The following ARID5B variants were observed in gnomAD, a reference collection of about 807,000 sequenced individuals.
ARID5B encodes the protein AT-rich interactive domain-containing protein 5B.
ARID5B carries 13 observed loss-of-function variants against 97.2 expected under a neutral mutation model. The ratio of observed to expected loss-of-function variants is 0.13; its 90% CI spans 0.09 to 0.21. ARID5B has a LOEUF of 0.21. Among genes scored for constraint, ARID5B ranks in the 10% least tolerant of loss-of-function variants. The pLI, the probability that ARID5B is intolerant of heterozygous loss-of-function variation, is 1.00. For missense variants in ARID5B, 1,210 were observed against 1,465.3 expected (o/e 0.83, Z 2.84); for synonymous variants, 556 against 570.3 (o/e 0.97, Z 0.36).
In ARID5B at chr10:62,091,277, T is replaced by C; in HGVS notation, c.1814T>C (p.Leu605Pro). 1.9e-6 allele frequency: 3 copies of C among 1,614,184 alleles called. No homozygotes were observed. Among genetic ancestry groups the C allele is most frequent in the Non-Finnish European group, 2.5e-6 (3 of 1,180,032 alleles). The change falls in exon 10 of 10, where the codon CTG becomes CCG. Residue 605 changes from leucine to proline, a missense_variant. Leu to Pro is a moderately conservative substitution (Grantham distance 98). Coordinates refer to ENST00000279873, the MANE Select transcript of ARID5B (RefSeq NM_032199.3). ...AGCTTCCCCACCACACAGCCACCGCTGGCAAACCAGAATGAGACGGAGGAT... is the reference window on the plus strand; with the variant it reads ...AGCTTCCCCACCACACAGCCACCGCCGGCAAACCAGAATGAGACGGAGGAT... ...FPSFPTTQPP[L>P]ANQNETEDDK...
intron 4 of ARID5B, among the ~76,000 whole-genome samples, chr10:62,027,841 C>T (rs1179559689): frequency 6.6e-6 from 1 of 152,190 alleles, no homozygotes; most frequent in African/African-American, 2.4e-5. Flanking sequence ...AAGAGGTCTT[C>T]CCTGACATTC....
Position 62,000,831 on chromosome 10 carries a change from TGATA to T in ARID5B, c.733+550_733+553del, listed in dbSNP as rs10689655. Among the ~76,000 whole-genome samples, 20,091 of 148,526 alleles carry T rather than the reference TGATA, an allele frequency of 0.14. 1,472 individuals carry two copies. The highest frequency in any genetic ancestry group is 0.17 in the Non-Finnish European group (11,482 of 67,104). On this transcript the variant is annotated intron_variant, in intron 4 of 9. Coordinates refer to ENST00000279873, the MANE Select transcript of ARID5B (RefSeq NM_032199.3). The surrounding 1 kb of genome is among the most constrained non-coding windows in gnomAD (Gnocchi z 4.4). ...TACAGTAGATAGACACGTAGAGAGA[TGATA>T]GATAGATAGATAGATAGATAGATAG...
intron 7 of ARID5B, among the ~76,000 whole-genome samples, chr10:62,060,944 T>C (rs889514368): frequency 1.3e-5 from 2 of 152,208 alleles, no homozygotes; most frequent in African/African-American, 4.8e-5. Flanking sequence ...AGCAAGTTGA[T>C]GTAGAATGTA....
intron 2 of ARID5B, among the ~76,000 whole-genome samples, chr10:61,923,127 A>C (rs1437871654): frequency 6.6e-6 from 1 of 152,208 alleles, no homozygotes; most frequent in Non-Finnish European, 1.5e-5. Flanking sequence ...AGACATACAC[A>C]TGGGGCATGT....
intron 3 of ARID5B, among the ~76,000 whole-genome samples, chr10:61,951,157 A>C (rs917306558): frequency 6.6e-6 from 1 of 152,242 alleles, no homozygotes; most frequent in African/African-American, 2.4e-5. Context: ...AGGAAAGCTG[A>C]GGTTTGGACT....
chr10:62,031,456 A>G lies in ARID5B; in HGVS notation c.734-19432A>G, dbSNP rs75410820. ...AAAAACTCTTAAGAAGGAGGATTAT[A>G]ACACCTTCTTTGGTAACTCTCTTTG... On this transcript the variant is annotated intron_variant, in intron 4 of 9. Coordinates refer to ENST00000279873, the MANE Select transcript of ARID5B (RefSeq NM_032199.3). Among the ~76,000 whole-genome samples the G allele has an allele frequency of 9.2e-3, 1,404 of 152,336 alleles. 20 individuals carry two copies. Among genetic ancestry groups the G allele is most frequent in the African/African-American group, 0.032 (1,345 of 41,572 alleles).
At position 62,093,678 on chromosome 10, in the gene ARID5B, T is replaced by A. The variant is rs75669328; in HGVS notation, c.*648T>A. The stretch of plus-strand genomic sequence containing the variant: ...TTTTTTTTTTTTTTTTTTTTTTTTT[T>A]ATTAAATGGTATTGCTTTTGTTTGC... On this transcript the variant is annotated 3_prime_UTR_variant, in exon 10 of 10. Transcript: ENST00000279873. The A allele has an allele frequency of 5.7e-4, 99 of 173,224 alleles. No individual in the cohort carries two copies. The highest frequency in any genetic ancestry group is 5.3e-3 in the East Asian group (79 of 14,890). The allele number at this position is 173,224 out of a possible 1,614,324, so 10.7% of individuals were successfully genotyped here. A position where few individuals can be genotyped will look rare whatever the true frequency, so the allele number is the denominator to read the frequency against.
intron 4 of ARID5B, among the ~76,000 whole-genome samples, chr10:62,034,950 G>C (rs1839543237): frequency 6.6e-6 from 1 of 152,178 alleles, no homozygotes; most frequent in South Asian, 2.1e-4. Context: ...ACTTTTTCTT[G>C]TTGTAGGGGC....
chr10:62,076,087 G>A (rs1385810911), intron 8 of ARID5B, among the ~76,000 whole-genome samples: 1 of 152,176 alleles, frequency 6.6e-6, no homozygotes, highest in Non-Finnish European at 1.5e-5. Flanking sequence ...ACAGGATGCT[G>A]CTTCCGGTGA....
intron 2 of ARID5B, among the ~76,000 whole-genome samples, chr10:61,932,607 A>G (rs936506650): frequency 1.3e-5 from 2 of 151,866 alleles, no homozygotes; most frequent in Admixed American, 1.3e-4. Flanking sequence ...CAGTTTCGCC[A>G]TGTTGCCCAG....
rs114248081 is a variant in ARID5B at position 61,907,153 on chromosome 10, T to A, written c.276+4740T>A. ...GCTATCTTTCATCTCCATGTTGGCT[T>A]TAGCTGTGTCACCAAAATAAAAAGT... On this transcript the variant is annotated intron_variant, in intron 2 of 9. Transcript: ENST00000279873. Among the ~76,000 whole-genome samples, 238 of 152,368 alleles carry A rather than the reference T, an allele frequency of 1.6e-3. 1 individual carries two copies. The highest frequency in any genetic ancestry group is 5.5e-3 in the African/African-American group (227 of 41,594).
At chr10:61,950,406 C>T (rs868581871) in intron 3 of ARID5B, among the ~76,000 whole-genome samples, 1 of 152,132 alleles carries the variant, frequency 6.6e-6, no homozygotes, top group Non-Finnish European at 1.5e-5. Context: ...CAGTGGCTCA[C>T]GCCTATAACC....
At chr10:62,060,646 T>TA (rs887742923) in intron 7 of ARID5B, among the ~76,000 whole-genome samples, 10 of 151,160 alleles carry the variant, frequency 6.6e-5, no homozygotes, top group East Asian at 3.9e-4. Context: ...CTCATTCATG[T>TA]AAAAAAAAAT....
intron 3 of ARID5B, among the ~76,000 whole-genome samples, chr10:61,941,154 A>G (rs1844403775): frequency 6.7e-6 from 1 of 150,224 alleles, no homozygotes; most frequent in African/African-American, 2.4e-5. Flanking sequence ...TCTAAAAAAT[A>G]GGGGAACTTT....
chr10:62,065,188 T>G (rs1839970454), intron 7 of ARID5B, among the ~76,000 whole-genome samples: 1 of 152,186 alleles, frequency 6.6e-6, no homozygotes, highest in Non-Finnish European at 1.5e-5. Flanking sequence ...TAGGGAGAAA[T>G]AACTTTCAAA....
chr10:61,913,899 G>A (rs1309428957), intron 2 of ARID5B, among the ~76,000 whole-genome samples: 1 of 152,160 alleles, frequency 6.6e-6, no homozygotes, highest in Non-Finnish European at 1.5e-5. Flanking sequence ...TTACAGGCAT[G>A]CACCACCATG....
intron 2 of ARID5B, among the ~76,000 whole-genome samples, chr10:61,924,991 G>T (rs1844078373): frequency 6.6e-6 from 1 of 152,074 alleles, no homozygotes; most frequent in Non-Finnish European, 1.5e-5. Context: ...ATCACTTAAA[G>T]GTCAGGAGTT....
At chr10:62,071,192 C>T (rs1278845590) in intron 8 of ARID5B, among the ~76,000 whole-genome samples, 1 of 151,952 alleles carries the variant, frequency 6.6e-6, no homozygotes, top group African/African-American at 2.4e-5. Flanking sequence ...CGTGCTACCA[C>T]GCCCAGCTAA....
At chr10:61,960,918 A>G (rs886852785) in intron 3 of ARID5B, among the ~76,000 whole-genome samples, 1 of 152,254 alleles carries the variant, frequency 6.6e-6, no homozygotes, top group African/African-American at 2.4e-5. Flanking sequence ...CCCTTCGGCA[A>G]GTTGTAGAGT....
Sources: allele counts gnomAD v4.1 joint callset (sites outside exome capture counted in the v4.1 genomes callset), GRCh38; gene constraint gnomAD v4.1.1; non-coding constraint Gnocchi (gnomAD v3.1); transcripts MANE v1.5; gene names NCBI Gene and HGNC (gene_info 2026-07-23, HGNC 2026-07-21).